ARFGEF3: variants seen among roughly 807,000 people sequenced by gnomAD.
ARFGEF3 encodes the protein ARFGEF family member 3, also known as brefeldin A-inhibited guanine nucleotide-exchange protein 3.
In ARFGEF3, 96 loss-of-function variants were observed where a neutral mutation model predicts 221.7. The ratio of observed to expected loss-of-function variants is 0.43; its 90% CI spans 0.37 to 0.51. The LOEUF is 0.51. Ranked by LOEUF, ARFGEF3 falls within the 20% of genes least tolerant of loss-of-function variation. The pLI is 0.00. For synonymous variants in ARFGEF3, 1,145 were observed against 1,126.8 expected, an observed-to-expected ratio of 1.02 and a Z score of -0.32; for missense variants, 2,410 against 2,789.9, an observed-to-expected ratio of 0.86 and a Z score of 3.07.
At chr6:138,254,986 T>C (rs750807822) in intron 9 of ARFGEF3, among the ~76,000 whole-genome samples, 9 of 152,188 alleles carry the variant, frequency 5.9e-5, no homozygotes, top group Non-Finnish European at 8.8e-5. Flanking sequence ...CTCTTAATCA[T>C]AGTCAGAGAT....
chr6:138,222,889 C>T (rs1778006443), intron 4 of ARFGEF3, among the ~76,000 whole-genome samples: 1 of 152,060 alleles, frequency 6.6e-6, no homozygotes. Flanking sequence ...CATTCTGAGT[C>T]TCCAGTGTCT....
chr6:138,190,132 A>T (rs1277473851), intron 2 of ARFGEF3, among the ~76,000 whole-genome samples: 3 of 140,264 alleles, frequency 2.1e-5, no homozygotes, highest in Admixed American at 7.0e-5. Flanking sequence ...TGCCATCATG[A>T]TACTAGAAAG....
chr6:138,291,928 C>T lies in ARFGEF3; in HGVS notation c.3243C>T (p.Pro1081=). The change falls in exon 19 of 34, where the codon CCC becomes CCT. Residue 1081 remains proline (P), a synonymous_variant. Coordinates refer to ENST00000251691, the MANE Select transcript of ARFGEF3 (RefSeq NM_020340.5). The surrounding 1 kb of genome is among the most constrained non-coding windows in gnomAD (Gnocchi z 4.5). ...RSLSTAPVVQ[P]LSIQDLVREG... is the part of the protein sequence containing the mutation. Reference sequence around the variant, plus strand: ...TGAGCACGGCCCCTGTCGTCCAGCCCCTGTCCATCCAGGACCTCGTCCGGG... The same window carrying T: ...TGAGCACGGCCCCTGTCGTCCAGCCTCTGTCCATCCAGGACCTCGTCCGGG... 6.6e-7 allele frequency: 1 copy of T among 1,506,226 alleles called. No homozygotes were observed. Among genetic ancestry groups the T allele is most frequent in the Non-Finnish European group, 8.9e-7 (1 of 1,126,058 alleles). 93.3% of individuals were successfully genotyped at this position (1,506,226 alleles called of 1,614,324 possible).
intron 5 of ARFGEF3, among the ~76,000 whole-genome samples, chr6:138,236,928 T>A (rs1778298941): frequency 6.6e-6 from 1 of 151,954 alleles, no homozygotes; most frequent in Admixed American, 6.6e-5. Context: ...ACTATGAAAT[T>A]AATTAATCTA....
chr6:138,201,103 T>C (rs1048631277), intron 2 of ARFGEF3, among the ~76,000 whole-genome samples: 3 of 152,038 alleles, frequency 2.0e-5, no homozygotes, highest in Admixed American at 6.6e-5. Flanking sequence ...GAAATGCAAA[T>C]CAAAACCACA....
intron 12 of ARFGEF3, among the ~76,000 whole-genome samples, chr6:138,273,341 T>C (rs540548546): frequency 6.6e-6 from 1 of 152,368 alleles, no homozygotes; most frequent in South Asian, 2.1e-4. Context: ...TACTCTTGTA[T>C]CTAATCTTTC....
chr6:138,311,900 G>C lies in ARFGEF3; in HGVS notation c.4200+390G>C, dbSNP rs1235208835. ...AGGGACATTAATAAAAGAAAGACAT[G>C]CTCAGTCAAGATCATCTAGCAGAGA... On this transcript the variant is annotated intron_variant, in intron 25 of 33. Transcript: ENST00000251691. Among the ~76,000 whole-genome samples, 5 of 152,226 alleles carry C rather than the reference G, an allele frequency of 3.3e-5. No homozygotes were observed. The East Asian group carries it at 7.7e-4, about 24-fold the overall frequency.
rs530777851 is a variant in ARFGEF3, at chr6:138,342,181, T to C, written c.*5695T>C. On this transcript the variant is annotated 3_prime_UTR_variant, in exon 34 of 34. Coordinates refer to ENST00000251691, the MANE Select transcript of ARFGEF3 (RefSeq NM_020340.5). ...ATCAGCATCACCTGGAGGGCCTTTT[T>C]TTAAAATAAGACACAGATTGCTGGG... is the stretch of plus-strand genomic sequence containing the variant. 6.6e-6 allele frequency: 1 copy of C among 152,344 alleles called. No individual in the cohort carries two copies. The highest frequency in any genetic ancestry group is 1.5e-5 in the Non-Finnish European group (1 of 68,038). 9.4% of individuals were successfully genotyped at this position (152,344 alleles called of 1,614,324 possible).
intron 22 of ARFGEF3, 23 bp from the exon 23 acceptor site, chr6:138,307,230 G>A: frequency 6.2e-7 from 1 of 1,610,586 alleles, no homozygotes; most frequent in Non-Finnish European, 8.5e-7. Context: ...GGCTTTAAGT[G>A]CCACTTGCTT....
chr6:138,297,147 G>A (rs1457279574), intron 21 of ARFGEF3, among the ~76,000 whole-genome samples, 192 bp downstream of exon 21: 1 of 152,162 alleles, frequency 6.6e-6, no homozygotes, highest in Non-Finnish European at 1.5e-5. Context: ...TCACCCCAAA[G>A]GGCAGTACTA....
chr6:138,232,099 C>T (rs147070587), intron 5 of ARFGEF3, among the ~76,000 whole-genome samples: 19 of 152,238 alleles, frequency 1.2e-4, no homozygotes, highest in Middle Eastern at 3.4e-3. Flanking sequence ...AAGCTGAGCC[C>T]GATTTCTGTT....
At chr6:138,272,202 C>T (rs1358731655) in intron 12 of ARFGEF3, among the ~76,000 whole-genome samples, 1 of 152,064 alleles carries the variant, frequency 6.6e-6, no homozygotes, top group Non-Finnish European at 1.5e-5. Flanking sequence ...GTCACCCAGG[C>T]TGGAGTGCAG....
At chr6:138,281,541 C>T (rs557823659) in intron 14 of ARFGEF3, among the ~76,000 whole-genome samples, 150 of 152,292 alleles carry the variant, frequency 9.8e-4, no homozygotes, top group African/African-American at 3.1e-3. Context: ...GTTTAGCTCC[C>T]GCTTACAAGT....
In ARFGEF3 at chr6:138,162,001, C is replaced by A; in HGVS notation, c.-86C>A. 1 of 869,980 alleles carries A rather than the reference C, an allele frequency of 1.1e-6. No individual in the cohort carries two copies. Among genetic ancestry groups the A allele is most frequent in the Non-Finnish European group, 1.6e-6 (1 of 630,774 alleles). The allele number at this position is 869,980 out of a possible 1,614,324, so 53.9% of individuals were successfully genotyped here. On this transcript the variant is annotated 5_prime_UTR_variant, in exon 1 of 34. Coordinates refer to ENST00000251691, the MANE Select transcript of ARFGEF3 (RefSeq NM_020340.5). The surrounding 1 kb of genome is among the most constrained non-coding windows in gnomAD (Gnocchi z 4.7). ...CGCGCGCGGCGGCCGCCTAGGCGCC[C>A]AGGGCCAGGCAGCGGCGGCTTCCCC...
chr6:138,202,245 A>G (rs1777550322), intron 2 of ARFGEF3, among the ~76,000 whole-genome samples: 1 of 152,218 alleles, frequency 6.6e-6, no homozygotes, highest in Non-Finnish European at 1.5e-5. Context: ...AAAGATCAAA[A>G]GATGATTTAT....
chr6:138,312,300 CTCAA>C (rs1214935434), intron 25 of ARFGEF3, among the ~76,000 whole-genome samples: 3 of 152,130 alleles, frequency 2.0e-5, no homozygotes, highest in Non-Finnish European at 4.4e-5. Context: ...ACACCCCTCT[CTCAA>C]TATTTTCTCA....
chr6:138,252,428 G>C (rs1286436202), intron 8 of ARFGEF3, among the ~76,000 whole-genome samples: 1 of 152,220 alleles, frequency 6.6e-6, no homozygotes, highest in Non-Finnish European at 1.5e-5. Context: ...CAATGTCAGT[G>C]TATTAAATGG....
chr6:138,199,761 C>T (rs1421150354), intron 2 of ARFGEF3, among the ~76,000 whole-genome samples: 2 of 152,160 alleles, frequency 1.3e-5, no homozygotes, highest in Non-Finnish European at 2.9e-5. Flanking sequence ...TTTATCAGTT[C>T]TAGGAGCTTT....
At chr6:138,293,938 T>C (rs2114640097) in intron 19 of ARFGEF3, 55 bp from the exon 20 acceptor site, 1 of 1,581,052 alleles carries the variant, frequency 6.3e-7, no homozygotes, top group East Asian at 2.2e-5. Context: ...CATTCTGCCA[T>C]AAAGACCTTG....
Sources: gnomAD v4.1 joint callset for allele counts (sites outside exome capture counted in the v4.1 genomes callset) on GRCh38, gnomAD v4.1.1 for gene constraint, Gnocchi (gnomAD v3.1) non-coding constraint, MANE v1.5 for transcripts, NCBI Gene and HGNC (gene_info 2026-07-23, HGNC 2026-07-21) for gene names.